Variants in CEP128 observed in about 807,000 individuals in gnomAD.
CEP128 encodes the protein centrosomal protein 128.
A neutral mutation model predicts 156.7 loss-of-function variants in CEP128; 132 were observed. The ratio of observed to expected loss-of-function variants is 0.84; its 90% confidence interval spans 0.73 to 0.97. The LOEUF is 0.97. CEP128 is among the 50% of genes least tolerant of loss of function. The probability of loss-of-function intolerance (pLI) is 0.00; values close to 1 mark genes in which losing one functional copy is unlikely to be tolerated. For missense variants in CEP128, 1,252 were observed against 1,281.9 expected (o/e 0.98, Z 0.36); for synonymous variants, 469 against 448.9 (o/e 1.04, Z -0.57).
chr14:80,778,885 C>T (rs550164886), intron 15 of CEP128, among the ~76,000 whole-genome samples: 186 of 152,254 alleles, frequency 1.2e-3, no homozygotes, highest in Non-Finnish European at 2.0e-3. Context: ...ATTTCATCCT[C>T]GTAACAACCT....
intron 18 of CEP128, among the ~76,000 whole-genome samples, chr14:80,748,572 A>AT (rs1455725219): frequency 6.6e-6 from 1 of 152,182 alleles, no homozygotes; most frequent in Non-Finnish European, 1.5e-5. Flanking sequence ...CAAAGTGTAC[A>AT]TTTTTGAGAT....
intron 1 of CEP128, among the ~76,000 whole-genome samples, chr14:80,940,686 A>C (rs1886101941): frequency 6.6e-6 from 1 of 152,140 alleles, no homozygotes; most frequent in Admixed American, 6.5e-5. Flanking sequence ...AAAAAAAAAA[A>C]AGTAAAAATC....
In CEP128 at chr14:80,597,950, C is replaced by CAAAAAA. The variant is rs34001813; in HGVS notation, c.2807-17533_2807-17528dup. On this transcript the variant is annotated intron_variant, in intron 19 of 24. Transcript: ENST00000555265. ...GAACTAGAAGGGAATTCCTCAGCTACAAAAAAAAAAAAAAAAAAAACAAAA... is the reference window on the plus strand; with the variant it reads ...GAACTAGAAGGGAATTCCTCAGCTACAAAAAAAAAAAAAAAAAAAAAAAAAACAAAA... Among the ~76,000 whole-genome samples the CAAAAAA allele has an allele frequency of 5.7e-3, 455 of 79,484 alleles. 7 individuals are homozygous for CAAAAAA. Among genetic ancestry groups the CAAAAAA allele is most frequent in the Middle Eastern group, 0.012 (1 of 84 alleles). The allele number at this position is 79,484 out of a possible 152,430, so 52.1% of individuals were successfully genotyped here.
At chr14:80,605,406 T>C (rs1342905327) in intron 19 of CEP128, among the ~76,000 whole-genome samples, 2 of 152,078 alleles carry the variant, frequency 1.3e-5, no homozygotes, top group Non-Finnish European at 2.9e-5. Context: ...AATAAAGACA[T>C]GTGACAAATT....
chr14:80,604,678 T>G (rs1566806702), intron 19 of CEP128, among the ~76,000 whole-genome samples: 1 of 152,154 alleles, frequency 6.6e-6, no homozygotes, highest in Admixed American at 6.6e-5. Flanking sequence ...TGTTTCTGTT[T>G]CCAGATCGCT....
intron 2 of CEP128, among the ~76,000 whole-genome samples, chr14:80,936,208 T>C (rs931111007): frequency 6.6e-6 from 1 of 152,184 alleles, no homozygotes; most frequent in South Asian, 2.1e-4. Context: ...AAACCCTGTA[T>C]GCAGAGTAGA....
At chr14:80,783,669 C>T (rs1784896506) in intron 15 of CEP128, among the ~76,000 whole-genome samples, 1 of 152,112 alleles carries the variant, frequency 6.6e-6, no homozygotes, top group Admixed American at 6.5e-5. Context: ...GATTACTATT[C>T]CATAGTTCAT....
At chr14:80,901,340 G>A (rs1883551968) in intron 6 of CEP128, among the ~76,000 whole-genome samples, 1 of 152,182 alleles carries the variant, frequency 6.6e-6, no homozygotes, top group South Asian at 2.1e-4. Context: ...TAAATAGTAT[G>A]ATTTATAATA....
At position 80,785,568 on chromosome 14, in the gene CEP128, C is replaced by A. The variant is rs1261390008; in HGVS notation, c.1561-23G>T. ...AATCTATCAGGTTAAGAACATGAAG[C>A]AAAAGAAAAAAATAAAAGTTACTGT... On this transcript the variant is annotated intron_variant, in intron 14 of 24. Coordinates refer to ENST00000555265, the MANE Select transcript of CEP128 (RefSeq NM_152446.5). 6.6e-6 allele frequency: 10 copies of A among 1,522,682 alleles called. No individual in the cohort carries two copies. The Admixed American group carries it at 6.8e-5, about 10-fold the overall frequency. The allele number at this position is 1,522,682 out of a possible 1,614,324, so 94.3% of individuals were successfully genotyped here.
intron 16 of CEP128, among the ~76,000 whole-genome samples, chr14:80,771,413 GCA>G (rs1375187388): frequency 2.0e-5 from 3 of 152,086 alleles, no homozygotes; most frequent in African/African-American, 7.2e-5. Context: ...GTAGAAATGG[GCA>G]CCATAAATAC....
intron 19 of CEP128, among the ~76,000 whole-genome samples, chr14:80,712,018 G>C (rs890044993): frequency 2.6e-5 from 4 of 152,022 alleles, no homozygotes; most frequent in Admixed American, 2.6e-4. Context: ...TAATTTCAAT[G>C]ACTACATGTG....
In CEP128 at chr14:80,901,128, C is replaced by G. The variant is rs1198806078; in HGVS notation, c.481-1099G>C. ...GGCTGAGGCAGGAGAATGGCGTGAA[C>G]CCGGGAGGCGGAGCTTGCAGTGAGC... is the stretch of plus-strand genomic sequence containing the variant. On this transcript the variant is annotated intron_variant, in intron 6 of 24. Coordinates refer to ENST00000555265, the MANE Select transcript of CEP128 (RefSeq NM_152446.5). Among the ~76,000 whole-genome samples, 3 of 151,798 alleles carry G rather than the reference C, an allele frequency of 2.0e-5. No individual in the cohort carries two copies. The East Asian group carries it at 5.8e-4, about 30-fold the overall frequency.
chr14:80,948,411 T>C (rs1028095492), intron 2 of CEP128, among the ~76,000 whole-genome samples: 1 of 152,200 alleles, frequency 6.6e-6, no homozygotes, highest in African/African-American at 2.4e-5. Context: ...GCGTCACAGA[T>C]ATAAAACACA....
chr14:80,786,090 G>C (rs2139812728), intron 14 of CEP128, among the ~76,000 whole-genome samples: 1 of 152,202 alleles, frequency 6.6e-6, no homozygotes. Flanking sequence ...TATGCAACTG[G>C]GAGCCTGGAA....
rs1888936779 is a variant in CEP128 at position 80,525,574 on chromosome 14, G to A, written c.3072+1295C>T. 2.0e-5 allele frequency among the ~76,000 whole-genome samples: 3 copies of A among 152,178 alleles called. No homozygotes were observed. In the South Asian group the frequency reaches 6.2e-4, roughly 32 times the overall value. Reference sequence around the variant, plus strand: ...GCACTCCTTTACATGATGCAGAAATGCTTGAGTTTGTAGGACTTGACTGGG... The same window carrying A: ...GCACTCCTTTACATGATGCAGAAATACTTGAGTTTGTAGGACTTGACTGGG... On this transcript the variant is annotated intron_variant, in intron 23 of 24. Transcript: ENST00000555265.
chr14:80,869,994 C>T (rs1887949146), intron 8 of CEP128, among the ~76,000 whole-genome samples: 1 of 151,796 alleles, frequency 6.6e-6, no homozygotes, highest in Non-Finnish European at 1.5e-5. Context: ...AATTGGATAA[C>T]CTAGGAGAAA....
At chr14:80,756,480 AGAACTAC>A (rs1368398836) in intron 18 of CEP128, among the ~76,000 whole-genome samples, 2 of 152,176 alleles carry the variant, frequency 1.3e-5, no homozygotes, top group Non-Finnish European at 2.9e-5. Context: ...AACTAACTGG[AGAACTAC>A]ATATTTTTGC....
intron 8 of CEP128, among the ~76,000 whole-genome samples, chr14:80,870,930 T>C (rs1887994223): frequency 6.6e-6 from 1 of 150,706 alleles, no homozygotes; most frequent in Non-Finnish European, 1.5e-5. Context: ...CATACAAGAA[T>C]CAGCAGCATT....
intron 19 of CEP128, among the ~76,000 whole-genome samples, chr14:80,692,802 T>G (rs1896762459): frequency 6.6e-6 from 1 of 152,202 alleles, no homozygotes; most frequent in African/African-American, 2.4e-5. Context: ...ACCAGCTCAC[T>G]CTGCACTGGT....
Sources: allele counts gnomAD v4.1 joint callset (sites outside exome capture counted in the v4.1 genomes callset), GRCh38; gene constraint gnomAD v4.1.1; transcripts MANE v1.5; gene names NCBI Gene and HGNC (gene_info 2026-07-23, HGNC 2026-07-21).